SNX29: variants seen among roughly 807,000 people sequenced by gnomAD.
SNX29 encodes sorting nexin 29.
SNX29 carries 78 observed loss-of-function variants against 102.1 expected under a neutral mutation model. The observed-to-expected ratio is 0.76, with a 90% CI of 0.64 to 0.92. SNX29 has a LOEUF of 0.92. Ranked by LOEUF, SNX29 falls within the 40% of genes least tolerant of loss-of-function variation. The pLI, the probability that SNX29 is intolerant of heterozygous loss-of-function variation, is 0.00. For synonymous variants in SNX29, 580 were observed against 414.5 expected, an observed-to-expected ratio of 1.40 and a Z score of -4.85; for missense variants, 1,280 against 1,061.7, an observed-to-expected ratio of 1.21 and a Z score of -2.86.
Position 12,545,274 on chromosome 16 carries a change from T to C in SNX29, c.2318+20433T>C, listed in dbSNP as rs540520281. On this transcript the variant is annotated intron_variant, in intron 20 of 20. Coordinates refer to ENST00000566228, the MANE Select transcript of SNX29 (RefSeq NM_032167.5). ...GGCTCCAAAGAGTACTGTTGAGAAA[T>C]TGGTTTGCCACTTCGCCCTCTTTAC... Among the ~76,000 whole-genome samples the C allele has an allele frequency of 9.9e-4, 150 of 152,258 alleles. 2 individuals carry two copies. Among genetic ancestry groups the C allele is most frequent in the African/African-American group, 3.5e-3 (144 of 41,558 alleles).
intron 16 of SNX29, among the ~76,000 whole-genome samples, chr16:12,365,483 A>G (rs963461227): frequency 2.0e-5 from 3 of 150,774 alleles, no homozygotes; most frequent in Non-Finnish European, 1.5e-5. Flanking sequence ...TGAGGTCAGG[A>G]GTTCGAGACC....
In SNX29 at chr16:12,052,574, G is replaced by A. The variant is rs118164933; in HGVS notation, c.1124+352G>A. On this transcript the variant is annotated intron_variant, in intron 8 of 20. Coordinates refer to ENST00000566228, the MANE Select transcript of SNX29 (RefSeq NM_032167.5). ...CACTGTTTTCTCTTTCTATGGTATT[G>A]GGTAAAATAGGTCTGCAAGCTTTAT... 4.0e-3 allele frequency: 1,105 copies of A among 274,774 alleles called. 48 individuals carry two copies. The East Asian group carries it at 0.082, about 20-fold the overall frequency. 17.0% of individuals were successfully genotyped at this position (274,774 alleles called of 1,614,324 possible). A position where few individuals can be genotyped will look rare whatever the true frequency, so the allele number is the denominator to read the frequency against.
At chr16:12,182,886 AT>A (rs1201584005) in intron 13 of SNX29, among the ~76,000 whole-genome samples, 1 of 142,290 alleles carries the variant, frequency 7.0e-6, no homozygotes, top group Non-Finnish European at 1.5e-5. Flanking sequence ...GTGAGCTGAG[AT>A]TACACCACTG....
chr16:12,488,667 C>T lies in SNX29; in HGVS notation c.2178+10808C>T, dbSNP rs1001659032. Among the ~76,000 whole-genome samples the T allele has an allele frequency of 3.9e-5, 6 of 152,298 alleles. No individual in the cohort carries two copies. The East Asian group carries it at 9.7e-4, about 25-fold the overall frequency. ...TGTCCCTTCACTTCCAGGACACTGT[C>T]ATTCATGGTCGTTCATAGATGCTCA... On this transcript the variant is annotated intron_variant, in intron 19 of 20. Transcript: ENST00000566228.
intron 20 of SNX29, among the ~76,000 whole-genome samples, chr16:12,560,190 A>C (rs1158629611): frequency 7.0e-6 from 1 of 142,662 alleles, no homozygotes; most frequent in African/African-American, 2.7e-5. Context: ...TCACCATTTA[A>C]CTTGTGCTTG....
intron 13 of SNX29, among the ~76,000 whole-genome samples, chr16:12,132,460 C>T (rs1419759757): frequency 6.6e-6 from 1 of 152,180 alleles, no homozygotes; most frequent in Non-Finnish European, 1.5e-5. Context: ...TGCATCATTA[C>T]TTGCAAATTG....
At chr16:12,182,526 G>C (rs1244545479) in intron 13 of SNX29, among the ~76,000 whole-genome samples, 1 of 152,196 alleles carries the variant, frequency 6.6e-6, no homozygotes, top group African/African-American at 2.4e-5. Context: ...GGAGGGCTGA[G>C]ATAGTGATTC....
intron 15 of SNX29, chr16:12,297,137 T>TCTC: frequency 6.6e-6 from 1 of 152,346 alleles, no homozygotes; most frequent in Middle Eastern, 3.4e-3. Context: ...GGGTTAGGGG[T>TCTC]CGGAGGCTGG....
intron 16 of SNX29, among the ~76,000 whole-genome samples, chr16:12,358,858 G>C (rs192700782): frequency 3.5e-4 from 53 of 152,244 alleles, no homozygotes; most frequent in Non-Finnish European, 6.6e-4. Flanking sequence ...AATAAGTGGA[G>C]ATTCCTGGAG....
chr16:12,496,526 TTTTAA>T, intron 19 of SNX29, among the ~76,000 whole-genome samples: 1 of 134,898 alleles, frequency 7.4e-6, no homozygotes. Context: ...TTTTTTTTTT[TTTTAA>T]ACCTAGTCTT....
At chr16:11,982,042 TAAA>T (rs548031551) in intron 1 of SNX29, among the ~76,000 whole-genome samples, 1 of 138,978 alleles carries the variant, frequency 7.2e-6, no homozygotes, top group African/African-American at 2.6e-5. Flanking sequence ...TCATCTCAAT[TAAA>T]AAAAAAAAAA....
intron 16 of SNX29, among the ~76,000 whole-genome samples, chr16:12,383,049 A>G (rs1478465915): frequency 1.3e-5 from 2 of 151,984 alleles, no homozygotes; most frequent in Non-Finnish European, 2.9e-5. Flanking sequence ...TCGACCTACT[A>G]CAGCTGCTAT....
chr16:12,568,789 T>G lies in SNX29; in HGVS notation c.*160T>G, dbSNP rs1049178764. 2.2e-5 allele frequency: 26 copies of G among 1,162,822 alleles called. No individual in the cohort carries two copies. The African/African-American group carries it at 3.9e-4, about 17-fold the overall frequency. 72.0% of individuals were successfully genotyped at this position (1,162,822 alleles called of 1,614,324 possible). A position where few individuals can be genotyped will look rare whatever the true frequency, so the allele number is the denominator to read the frequency against. On this transcript the variant is annotated 3_prime_UTR_variant, in exon 21 of 21. Transcript: ENST00000566228. ...TTACACAACACCCCGATTAAACTAA[T>G]CAGTCTTCGAGCCGCATGATACCGT...
chr16:12,570,663 C>CA lies in SNX29; in HGVS notation c.*2035dup. The CA allele has an allele frequency of 4.3e-6, 1 of 232,098 alleles. No individual in the cohort carries two copies. The highest frequency in any genetic ancestry group is 2.2e-5 in the African/African-American group (1 of 45,388). The allele number at this position is 232,098 out of a possible 1,614,324, so 14.4% of individuals were successfully genotyped here. On this transcript the variant is annotated 3_prime_UTR_variant, in exon 21 of 21. Coordinates refer to ENST00000566228, the MANE Select transcript of SNX29 (RefSeq NM_032167.5). ...CCCATCTGTGACATTCCCTTGGGCC[C>CA]AGGCTTATGACCTGCACCTTTTCTG...
At chr16:12,027,531 C>A in intron 4 of SNX29, 87 bp downstream of exon 4, 1 of 1,525,856 alleles carries the variant, frequency 6.6e-7, no homozygotes, top group Non-Finnish European at 8.8e-7. Context: ...GTGGGCAGGG[C>A]AGTGATCGCG....
chr16:12,472,068 T>C (rs1449779229), intron 18 of SNX29, among the ~76,000 whole-genome samples: 3 of 152,184 alleles, frequency 2.0e-5, no homozygotes, highest in Non-Finnish European at 4.4e-5. Context: ...AACAGGTGGA[T>C]ACAAACAGGG....
At chr16:12,343,055 T>C (rs2081661774) in intron 15 of SNX29, among the ~76,000 whole-genome samples, 1 of 152,250 alleles carries the variant, frequency 6.6e-6, no homozygotes, top group African/African-American at 2.4e-5. Flanking sequence ...TTTACTGTCT[T>C]TCTCTTGAAA....
At position 11,994,044 on chromosome 16, in the gene SNX29, C is replaced by A. The variant is rs1226742246; in HGVS notation, c.8-5253C>A. ...GCTGAGGCAGGATAATCGCTTGAACCCAGGAGGCAGAGGTTGCAGTGAGCT... is the reference window on the plus strand; with the variant it reads ...GCTGAGGCAGGATAATCGCTTGAACACAGGAGGCAGAGGTTGCAGTGAGCT... On this transcript the variant is annotated intron_variant, in intron 1 of 20. Coordinates refer to ENST00000566228, the MANE Select transcript of SNX29 (RefSeq NM_032167.5). 2.0e-5 allele frequency among the ~76,000 whole-genome samples: 3 copies of A among 152,162 alleles called. No individual in the cohort carries two copies. The East Asian group carries it at 5.8e-4, about 29-fold the overall frequency.
chr16:12,438,341 G>A (rs1010226304), intron 18 of SNX29, among the ~76,000 whole-genome samples: 4 of 152,036 alleles, frequency 2.6e-5, no homozygotes, highest in Non-Finnish European at 4.4e-5. Flanking sequence ...TGGGTTCAGC[G>A]CTCTCCCCTC....
Sources: allele counts gnomAD v4.1 joint callset (sites outside exome capture counted in the v4.1 genomes callset), GRCh38; gene constraint gnomAD v4.1.1; transcripts MANE v1.5; gene names NCBI Gene and HGNC (gene_info 2026-07-23, HGNC 2026-07-21).